CCDC14: variants seen among roughly 807,000 people sequenced by gnomAD.
CCDC14 encodes coiled-coil domain containing 14, also known as coiled-coil domain-containing protein 14.
Under a neutral mutation model 81.4 loss-of-function variants are expected in CCDC14, and 71 were observed. The observed-to-expected ratio is 0.87, with a 90% confidence interval of 0.72 to 1.06. The LOEUF (loss-of-function observed/expected upper bound fraction) is 1.06. Ranked by LOEUF, CCDC14 falls within the 50% of genes least tolerant of loss-of-function variation. The probability of loss-of-function intolerance (pLI) is 0.00; values close to 1 mark genes in which losing one functional copy is unlikely to be tolerated. For synonymous variants in CCDC14, 332 were observed against 364.8 expected (o/e 0.91, Z 1.03); for missense variants, 1,046 against 1,047.3 (o/e 1.00, Z 0.02).
At chr3:123,944,209 GT>G (rs1445018596) in intron 9 of CCDC14, among the ~76,000 whole-genome samples, 2 of 152,114 alleles carry the variant, frequency 1.3e-5, no homozygotes, top group African/African-American at 4.8e-5. Flanking sequence ...TCATATAAGT[GT>G]TCTGTGTCGA....
At chr3:123,932,864 C>T (rs1357531237) in intron 10 of CCDC14, among the ~76,000 whole-genome samples, 3 of 151,856 alleles carry the variant, frequency 2.0e-5, no homozygotes, top group African/African-American at 4.8e-5. Flanking sequence ...CTTGGGAGGC[C>T]GAGGTGAGTG....
the CCDC14 span, among the ~76,000 whole-genome samples, chr3:123,890,975 G>T: frequency 6.6e-6 from 1 of 152,206 alleles, no homozygotes; most frequent in Admixed American, 6.5e-5. Context: ...CTAAGTGGAG[G>T]TTTCCAAACC....
intron 1 of CCDC14, chr3:123,957,449 G>A (rs2037393421): frequency 6.6e-6 from 1 of 151,964 alleles, no homozygotes; most frequent in African/African-American, 2.4e-5. Context: ...TTCCTTTTAT[G>A]TACATTCTTT....
Position 123,931,359 on chromosome 3 carries a change from T to G in CCDC14, c.1594A>C (p.Ile532Leu), listed in dbSNP as rs557264682. 6.6e-7 allele frequency: 1 copy of G among 1,523,132 alleles called. No individual in the cohort carries two copies. Among genetic ancestry groups the G allele is most frequent in the African/African-American group, 1.4e-5 (1 of 72,532 alleles). The allele number at this position is 1,523,132 out of a possible 1,614,324, so 94.4% of individuals were successfully genotyped here. A position where few individuals can be genotyped will look rare whatever the true frequency, so the allele number is the denominator to read the frequency against. Residue 532 changes from isoleucine (I) to leucine (L), a missense_variant, in exon 11 of 13, where the codon ATA (isoleucine) becomes CTA (leucine). Coordinates refer to ENST00000409697, the MANE Select transcript of CCDC14 (RefSeq NM_001366335.1). The stretch of plus-strand genomic sequence containing the variant: ...TCATATTGCTGTTTATTTTCAAGTA[T>G]AGTTTGATCTTTGTCTTTAAATATA... ...SSIFKDKDQTILENKQQYDIE... is the reference protein window; with the variant it reads ...SSIFKDKDQTLLENKQQYDIE...
At chr3:123,961,117 C>G in intron 1 of CCDC14, 27 bp downstream of exon 1, 1 of 1,536,074 alleles carries the variant, frequency 6.5e-7, no homozygotes, top group Non-Finnish European at 8.8e-7. Context: ...ATCCCCACAG[C>G]GGACTCCTCA....
downstream of CCDC14, chr3:123,897,459 G>A (rs577327226): frequency 5.0e-6 from 1 of 200,656 alleles, no homozygotes; most frequent in South Asian, 8.5e-5. Flanking sequence ...CAGATTCCAA[G>A]GAGGTGACTG....
downstream of CCDC14, among the ~76,000 whole-genome samples, chr3:123,896,450 G>A (rs1002152431): frequency 7.9e-5 from 12 of 152,048 alleles, no homozygotes; most frequent in Admixed American, 1.3e-4. Context: ...GACACACAAC[G>A]GAAAATTATT....
At chr3:123,906,033 A>G (rs2034299585) in intron 5 of CCDC14, among the ~76,000 whole-genome samples, 1 of 152,206 alleles carries the variant, frequency 6.6e-6, no homozygotes, top group Non-Finnish European at 1.5e-5. Flanking sequence ...AATGAATGAG[A>G]TGAAAGATCA....
Position 123,914,079 on chromosome 3 carries a change from T to C in CCDC14, c.*700A>G. ...TTCTTATTTAAAAAAAACCCACAAATTTCCCCAACTATAGCTTATCTGTTA... is the reference window on the plus strand; with the variant it reads ...TTCTTATTTAAAAAAAACCCACAAACTTCCCCAACTATAGCTTATCTGTTA... On this transcript the variant is annotated 3_prime_UTR_variant, in exon 13 of 13. Coordinates refer to ENST00000409697, the MANE Select transcript of CCDC14 (RefSeq NM_001366335.1). The C allele has an allele frequency of 1.0e-6, 1 of 985,558 alleles. No individual in the cohort carries two copies. The allele number at this position is 985,558 out of a possible 1,614,324, so 61.1% of individuals were successfully genotyped here. A position where few individuals can be genotyped will look rare whatever the true frequency, so the allele number is the denominator to read the frequency against.
At chr3:123,907,545 AC>A (rs201775407) in intron 5 of CCDC14, among the ~76,000 whole-genome samples, 185 of 138,394 alleles carry the variant, frequency 1.3e-3, no homozygotes, top group East Asian at 3.0e-3. Flanking sequence ...CTGTCTCCAC[AC>A]AAAAAAAAAA....
chr3:123,955,614 C>T (rs187973981), intron 5 of CCDC14: 115 of 337,530 alleles, frequency 3.4e-4, no homozygotes, highest in African/African-American at 1.9e-3. Context: ...TGAACTTTTT[C>T]TCCTACAAAA....
intron 8 of CCDC14, 23 bp from the exon 9 acceptor site, chr3:123,945,013 G>A: frequency 6.6e-7 from 1 of 1,525,802 alleles, no homozygotes; most frequent in Non-Finnish European, 8.9e-7. Flanking sequence ...ACAGAAATGA[G>A]TAAAATCAAT....
At chr3:123,959,792 T>G (rs1015067364) in intron 1 of CCDC14, among the ~76,000 whole-genome samples, 5 of 129,120 alleles carry the variant, frequency 3.9e-5, no homozygotes, top group African/African-American at 6.5e-5. Context: ...TTCATATGCA[T>G]TTTTTACTTA....
At position 123,949,019 on chromosome 3, in the gene CCDC14, G is replaced by T. The variant is rs781384603; in HGVS notation, c.466C>A (p.Pro156Thr). The change falls in exon 6 of 13, where the codon CCC (proline) becomes ACC (threonine). Residue 156 changes from proline (P) to threonine (T), a missense_variant. Transcript: ENST00000409697. ...TCACAGAGGGCTTGGTATATTATGG[G>T]TGAATACATTCTATAATGATCTTGC... ...SLQDHYRMYSPIIYQALCEHV... is the reference protein window; with the variant it reads ...SLQDHYRMYSTIIYQALCEHV... 1.2e-5 allele frequency: 19 copies of T among 1,613,568 alleles called. No homozygotes were observed. The highest frequency in any genetic ancestry group is 1.6e-5 in the Non-Finnish European group (19 of 1,179,674).
intron 1 of CCDC14, among the ~76,000 whole-genome samples, chr3:123,959,201 GT>G (rs538191558): frequency 9.3e-4 from 141 of 152,204 alleles, no homozygotes; most frequent in African/African-American, 3.1e-3. Flanking sequence ...ATTTAATTTG[GT>G]GAGGAATCTC....
chr3:123,894,370 G>GT (rs2034030185), downstream of CCDC14, among the ~76,000 whole-genome samples: 1 of 152,188 alleles, frequency 6.6e-6, no homozygotes, highest in Non-Finnish European at 1.5e-5. Context: ...TTTGTAGTAA[G>GT]TTTTGAAATC....
At chr3:123,903,791 T>C (rs1278158509) in intron 5 of CCDC14, among the ~76,000 whole-genome samples, 1 of 99,710 alleles carries the variant, frequency 1.0e-5, no homozygotes, top group Non-Finnish European at 2.3e-5. Context: ...ACAGACAAAA[T>C]GTAGGTCCGG....
rs1235820424 is a variant in CCDC14, at chr3:123,933,681, T to C, written c.1418A>G (p.Asn473Ser). 1.3e-6 allele frequency: 2 copies of C among 1,570,264 alleles called. No homozygotes were observed. The highest frequency in any genetic ancestry group is 8.7e-7 in the Non-Finnish European group (1 of 1,154,902). The change falls in exon 10 of 13, where the codon AAC (asparagine) becomes AGC (serine). Residue 473 changes from asparagine to serine, a missense_variant. Physicochemically the swap from Asn to Ser is conservative, Grantham distance 46. Coordinates refer to ENST00000409697, the MANE Select transcript of CCDC14 (RefSeq NM_001366335.1). Reference sequence around the variant, plus strand: ...AAAGTTCTTTTACCTACATTCAAGGTTGCAATCCACAGCACCAGATGGTTT... The same window carrying C: ...AAAGTTCTTTTACCTACATTCAAGGCTGCAATCCACAGCACCAGATGGTTT... ...TQKPSGAVDC[N>S]LELFSLQSLN...
chr3:123,915,846 C>T (rs1159999881), intron 12 of CCDC14, 128 bp from the exon 13 acceptor site: 1 of 638,618 alleles, frequency 1.6e-6, no homozygotes. Context: ...AAACAAGCAA[C>T]TAGAAGCACA....
Sources: allele counts gnomAD v4.1 joint callset (sites outside exome capture counted in the v4.1 genomes callset), GRCh38; gene constraint gnomAD v4.1.1; transcripts MANE v1.5; gene names NCBI Gene and HGNC (gene_info 2026-07-23, HGNC 2026-07-21).